Variants in TST observed in about 807,000 individuals in gnomAD.
The protein encoded by TST is epididymis secretory sperm binding protein.
Under a neutral mutation model 20.4 loss-of-function variants are expected in TST, and 22 were observed. The ratio of observed to expected loss-of-function variants is 1.08; its 90% CI spans 0.77 to 1.54. TST has a LOEUF of 1.54. Among genes scored for constraint, TST ranks in the 40% most tolerant of loss-of-function variants. The probability of loss-of-function intolerance (pLI) is 0.00; values close to 1 mark genes in which losing one functional copy is unlikely to be tolerated. For synonymous variants in TST, 187 were observed against 173.8 expected (o/e 1.08, Z -0.60); for missense variants, 392 against 405.2 (o/e 0.97, Z 0.28).
chr22:37,015,821 T>C (rs1922656150), intron 2 of TST, among the ~76,000 whole-genome samples: 1 of 151,768 alleles, frequency 6.6e-6, no homozygotes, highest in East Asian at 1.9e-4. Flanking sequence ...CAAAATATCT[T>C]GTATGGGAGG....
intron 2 of TST, among the ~76,000 whole-genome samples, chr22:37,015,689 G>A (rs906228243): frequency 2.0e-5 from 3 of 152,174 alleles, no homozygotes; most frequent in Non-Finnish European, 2.9e-5. Context: ...TGACCCCCAG[G>A]TCTGCCACCC....
At chr22:37,016,918 A>G (rs931798052) in intron 2 of TST, among the ~76,000 whole-genome samples, 4 of 152,218 alleles carry the variant, frequency 2.6e-5, no homozygotes, top group Non-Finnish European at 5.9e-5. Flanking sequence ...CTGTCAGGTG[A>G]GGTCACCGTT....
intron 2 of TST, 89 bp from the exon 3 acceptor site, chr22:37,011,414 G>A (rs2145893923): frequency 2.9e-6 from 4 of 1,362,520 alleles, no homozygotes; most frequent in East Asian, 2.3e-5. Context: ...TAGCTGGAAG[G>A]ATAGATAGCT....
At chr22:37,015,217 C>A (rs566780884) in intron 2 of TST, among the ~76,000 whole-genome samples, 9 of 152,358 alleles carry the variant, frequency 5.9e-5, no homozygotes, top group African/African-American at 1.9e-4. Flanking sequence ...CCCCTGCCTG[C>A]CTCCCCTTGC....
chr22:37,011,079 C>A lies in TST; in HGVS notation c.842G>T (p.Arg281Leu), dbSNP rs777801495. Residue 281 changes from arginine to leucine, a missense_variant, in exon 3 of 3, where the codon CGC (arginine) becomes CTC (leucine). Transcript: ENST00000249042. ...CACACGGCTCTCTGGGGGGGCCCGG[C>A]GAAACCACTCGGACCAGGAGCCATC... ...VYDGSWSEWFRRAPPESRVSQ... is the reference protein window; with the variant it reads ...VYDGSWSEWFLRAPPESRVSQ... 1.2e-6 allele frequency: 2 copies of A among 1,612,530 alleles called. No homozygotes were observed. Among genetic ancestry groups the A allele is most frequent in the South Asian group, 1.1e-5 (1 of 91,022 alleles).
At chr22:37,017,669 T>C (rs1317047126) in intron 2 of TST, among the ~76,000 whole-genome samples, 1 of 151,966 alleles carries the variant, frequency 6.6e-6, no homozygotes, top group Non-Finnish European at 1.5e-5. Context: ...AGAGCTAGAT[T>C]TGGGGAGAGG....
chr22:37,015,935 CTTTTTTTTT>C (rs1000783141), intron 2 of TST, among the ~76,000 whole-genome samples: 2 of 73,868 alleles, frequency 2.7e-5, no homozygotes, highest in African/African-American at 1.2e-4. Flanking sequence ...GCCACTGCTA[CTTTTTTTTT>C]TTTTTTTTTT....
chr22:37,018,988 A>G lies in TST; in HGVS notation c.-21-235T>C, dbSNP rs531447197. The G allele has an allele frequency of 5.5e-4, 228 of 416,448 alleles. 1 individual carries two copies. The East Asian group carries it at 7.9e-3, about 15-fold the overall frequency. The allele number at this position is 416,448 out of a possible 1,614,324, so 25.8% of individuals were successfully genotyped here. A position where few individuals can be genotyped will look rare whatever the true frequency, so the allele number is the denominator to read the frequency against. ...GGCCCAGCGCAGAAGCGGGTGGGGC[A>G]AGAGTTTCCGAGGACTCCAAGTAGG... is the stretch of plus-strand genomic sequence containing the variant. On this transcript the variant is annotated intron_variant, in intron 1 of 2. Coordinates refer to ENST00000249042, the MANE Select transcript of TST (RefSeq NM_003312.6).
At chr22:37,012,786 C>T (rs914640527) in intron 2 of TST, among the ~76,000 whole-genome samples, 1 of 152,230 alleles carries the variant, frequency 6.6e-6, no homozygotes, top group African/African-American at 2.4e-5. Context: ...TGGCTCACGC[C>T]TGTAGTCCCA....
chr22:37,012,953 A>C (rs1922534827), intron 2 of TST, among the ~76,000 whole-genome samples: 1 of 151,570 alleles, frequency 6.6e-6, no homozygotes, highest in Non-Finnish European at 1.5e-5. Flanking sequence ...GAGGGAGGAG[A>C]AACGCTTGAA....
At position 37,011,138 on chromosome 22, in the gene TST, G is replaced by C; in HGVS notation, c.783C>G (p.Ala261=). 6.2e-7 allele frequency: 1 copy of C among 1,613,770 alleles called. No homozygotes were observed. Among genetic ancestry groups the C allele is most frequent in the South Asian group, 1.1e-5 (1 of 91,080 alleles). The stretch of plus-strand genomic sequence containing the variant: ...CCACATCAGGCTTGCCGCAGAGGTA[G>C]GCAGCCAAGGCCACGTGGCAGGCGG... ...GVTACHVALA[A]YLCGKPDVAV... Residue 261 remains alanine (A), a synonymous_variant, in exon 3 of 3, where the codon GCC becomes GCG. Transcript: ENST00000249042.
chr22:37,013,030 G>GAGAC (rs2145895541), intron 2 of TST, among the ~76,000 whole-genome samples: 1 of 151,346 alleles, frequency 6.6e-6, no homozygotes, highest in Non-Finnish European at 1.5e-5. Context: ...CAGCAAGAGC[G>GAGAC]AGACTCCGTC....
intron 2 of TST, among the ~76,000 whole-genome samples, chr22:37,012,146 G>A (rs1253512373): frequency 6.6e-6 from 1 of 152,234 alleles, no homozygotes; most frequent in East Asian, 1.9e-4. Flanking sequence ...TGGCTTTGGA[G>A]GCTGGCCCAC....
chr22:37,011,477 C>T (rs982974206), intron 2 of TST, 152 bp from the exon 3 acceptor site: 3 of 863,756 alleles, frequency 3.5e-6, no homozygotes. Context: ...TTATTCCCAG[C>T]CCCACCTATT....
intron 2 of TST, among the ~76,000 whole-genome samples, chr22:37,013,761 ATT>A (rs1488526409): frequency 6.6e-6 from 1 of 152,230 alleles, no homozygotes; most frequent in African/African-American, 2.4e-5. Context: ...CATCGAGGGC[ATT>A]CTTTCCCAAG....
intron 2 of TST, among the ~76,000 whole-genome samples, chr22:37,012,073 T>A (rs1484390505): frequency 6.6e-6 from 1 of 152,036 alleles, no homozygotes; most frequent in African/African-American, 2.4e-5. Flanking sequence ...ATAGGAAAAA[T>A]GGAAATGAGA....
chr22:37,015,706 C>A lies in TST; in HGVS notation c.595+2432G>T, dbSNP rs561073329. ...ACCCCCAGGTCTGCCACCCCCATGC[C>A]CCTGTGTGTTACATCTGGACCGCTG... On this transcript the variant is annotated intron_variant, in intron 2 of 2. Coordinates refer to ENST00000249042, the MANE Select transcript of TST (RefSeq NM_003312.6). Among the ~76,000 whole-genome samples the A allele has an allele frequency of 2.6e-5, 4 of 152,300 alleles. No individual in the cohort carries two copies. In the Middle Eastern group the frequency reaches 0.014, roughly 518 times the overall value.
intron 2 of TST, among the ~76,000 whole-genome samples, chr22:37,017,726 C>T (rs564679731): frequency 1.3e-5 from 2 of 152,216 alleles, no homozygotes; most frequent in Non-Finnish European, 2.9e-5. Context: ...AGGGTTTCTG[C>T]GGGACGAGAG....
In TST at chr22:37,018,525, G is replaced by A; in HGVS notation, c.208C>T (p.Pro70Ser). The stretch of plus-strand genomic sequence containing the variant: ...TCGCTGGGCAGCATCATCTCGTAGG[G>A]CGACGCCGTGTCCCGGCACTCTTCT... ...DIEECRDTASPYEMMLPSEAG... is the reference protein window; with the variant it reads ...DIEECRDTASSYEMMLPSEAG... Residue 70 changes from proline (P) to serine (S), a missense_variant, in exon 2 of 3, where the codon CCC becomes TCC. Pro to Ser is a moderately conservative substitution (Grantham distance 74, BLOSUM62 -1). Coordinates refer to ENST00000249042, the MANE Select transcript of TST (RefSeq NM_003312.6). 2 of 1,590,582 alleles carry A rather than the reference G, an allele frequency of 1.3e-6. No homozygotes were observed. Among genetic ancestry groups the A allele is most frequent in the East Asian group, 2.3e-5 (1 of 43,680 alleles).
Sources: gnomAD v4.1 joint callset for allele counts (sites outside exome capture counted in the v4.1 genomes callset) on GRCh38, gnomAD v4.1.1 for gene constraint, MANE v1.5 for transcripts, NCBI Gene and HGNC (gene_info 2026-07-23, HGNC 2026-07-21) for gene names.